IQSEC1: variants seen among roughly 807,000 people sequenced by gnomAD.
IQSEC1 encodes IQ motif and Sec7 domain ArfGEF 1.
In IQSEC1, 31 loss-of-function variants were observed where a neutral mutation model predicts 91.0. The observed-to-expected ratio is 0.34, with a 90% confidence interval of 0.26 to 0.46. The LOEUF (loss-of-function observed/expected upper bound fraction) is 0.46. IQSEC1 is among the 20% of genes least tolerant of loss of function. The probability of loss-of-function intolerance (pLI) is 1.00; values close to 1 mark genes in which losing one functional copy is unlikely to be tolerated. For synonymous variants in IQSEC1, 699 were observed against 662.6 expected, an observed-to-expected ratio of 1.05 and a Z score of -0.84; for missense variants, 1,388 against 1,575.6, an observed-to-expected ratio of 0.88 and a Z score of 2.02.
intron 1 of IQSEC1, among the ~76,000 whole-genome samples, chr3:13,072,779 C>T (rs999289060): frequency 3.2e-4 from 49 of 152,238 alleles, no homozygotes; most frequent in Non-Finnish European, 7.1e-4. Context: ...TGAAGACCTG[C>T]TGACTAATAG....
At chr3:13,133,695 G>A (rs1005195422) in intron 2 of IQSEC1, among the ~76,000 whole-genome samples, 6 of 152,222 alleles carry the variant, frequency 3.9e-5, no homozygotes, top group Admixed American at 3.3e-4. Flanking sequence ...TGGGATGCTC[G>A]GGTTTCTAAA....
chr3:13,041,233 T>G, intron 1 of IQSEC1, among the ~76,000 whole-genome samples: 1 of 147,678 alleles, frequency 6.8e-6, no homozygotes, highest in Non-Finnish European at 1.5e-5. Flanking sequence ...GGGGGTGGGG[T>G]GAAAGGCTGC....
intron 2 of IQSEC1, among the ~76,000 whole-genome samples, chr3:13,130,831 TGTAGTC>T (rs1706599233): frequency 6.6e-6 from 1 of 151,814 alleles, no homozygotes; most frequent in South Asian, 2.1e-4. Context: ...GGCACATGCC[TGTAGTC>T]CCAGCTATGC....
intron 1 of IQSEC1, among the ~76,000 whole-genome samples, chr3:13,184,844 AAC>A (rs1693903974): frequency 6.6e-6 from 1 of 152,188 alleles, no homozygotes; most frequent in Admixed American, 6.5e-5. Flanking sequence ...GGGAGCGATA[AAC>A]ACAGACGCTA....
intron 1 of IQSEC1, among the ~76,000 whole-genome samples, chr3:13,228,286 T>C (rs1694790979): frequency 6.6e-6 from 1 of 151,836 alleles, no homozygotes; most frequent in Non-Finnish European, 1.5e-5. Context: ...TCAAGATCAC[T>C]AAAGATCCCC....
intron 1 of IQSEC1, among the ~76,000 whole-genome samples, chr3:13,240,223 T>A (rs1159591436): frequency 6.6e-6 from 1 of 151,510 alleles, no homozygotes; most frequent in Non-Finnish European, 1.5e-5. Context: ...TACAAAAAAT[T>A]TAAAAAATTA....
intron 1 of IQSEC1, among the ~76,000 whole-genome samples, chr3:13,164,839 G>C (rs1262395184): frequency 6.6e-6 from 1 of 152,234 alleles, no homozygotes; most frequent in East Asian, 1.9e-4. Flanking sequence ...AAGGAGCAAA[G>C]GGCTTTGAGC....
chr3:13,091,211 T>C (rs1203640674), intron 2 of IQSEC1, among the ~76,000 whole-genome samples: 1 of 152,174 alleles, frequency 6.6e-6, no homozygotes, highest in East Asian at 1.9e-4. Flanking sequence ...GTGCATGCCT[T>C]GACCCCGTCA....
intron 3 of IQSEC1, among the ~76,000 whole-genome samples, chr3:12,933,161 G>A (rs1477118125): frequency 6.6e-6 from 1 of 152,226 alleles, no homozygotes; most frequent in Non-Finnish European, 1.5e-5. Flanking sequence ...TGGTACACAG[G>A]CGCAGGGCCA....
At chr3:13,062,650 C>A (rs566383108) in intron 1 of IQSEC1, among the ~76,000 whole-genome samples, 1 of 152,238 alleles carries the variant, frequency 6.6e-6, no homozygotes, top group African/African-American at 2.4e-5. Flanking sequence ...GGGACAGACA[C>A]CCGAACAAGG....
chr3:13,258,894 C>T (rs931295432), intron 1 of IQSEC1, among the ~76,000 whole-genome samples: 5 of 152,130 alleles, frequency 3.3e-5, no homozygotes, highest in African/African-American at 1.2e-4. Flanking sequence ...ACAGCATCAC[C>T]CACTCCATCT....
At chr3:13,098,396 G>T (rs1361022975) in intron 2 of IQSEC1, among the ~76,000 whole-genome samples, 2 of 152,212 alleles carry the variant, frequency 1.3e-5, no homozygotes, top group African/African-American at 2.4e-5. Context: ...GGGTTTTGAA[G>T]GATGCAGAGG....
intron 1 of IQSEC1, among the ~76,000 whole-genome samples, chr3:12,943,069 T>TATA (rs1334960074): frequency 6.6e-6 from 1 of 152,240 alleles, no homozygotes; most frequent in Non-Finnish European, 1.5e-5. Flanking sequence ...TCTCTAAATC[T>TATA]TAAAAGCAGT....
chr3:13,226,577 C>T (rs1159561304), intron 1 of IQSEC1, among the ~76,000 whole-genome samples: 54 of 130,510 alleles, frequency 4.1e-4, no homozygotes, highest in African/African-American at 1.7e-3. Flanking sequence ...CATAGTGAGA[C>T]CCCATCTCTA....
intron 2 of IQSEC1, among the ~76,000 whole-genome samples, chr3:13,162,214 G>A (rs1218045090): frequency 6.6e-6 from 1 of 152,250 alleles, no homozygotes; most frequent in Non-Finnish European, 1.5e-5. Flanking sequence ...AACTTTCACA[G>A]AATGAGGGTT....
intron 1 of IQSEC1, among the ~76,000 whole-genome samples, chr3:13,009,220 C>T (rs781283818): frequency 6.6e-6 from 1 of 152,180 alleles, no homozygotes; most frequent in Non-Finnish European, 1.5e-5. Context: ...CCTGGTGACT[C>T]GCCCTAGGTC....
intron 2 of IQSEC1, among the ~76,000 whole-genome samples, chr3:13,136,261 G>A (rs11714618): frequency 0.27 from 40,778 of 152,080 alleles, 5,665 homozygotes; most frequent in South Asian, 0.45. Context: ...GGAAATGAAG[G>A]TCACCCGACT....
chr3:12,950,310 C>T (rs1699456847), intron 1 of IQSEC1, among the ~76,000 whole-genome samples: 1 of 152,168 alleles, frequency 6.6e-6, no homozygotes, highest in Non-Finnish European at 1.5e-5. Context: ...AGCCTGGCCC[C>T]AAGGAGCAGA....
chr3:13,171,858 C>T (rs1284609440), intron 1 of IQSEC1, among the ~76,000 whole-genome samples: 3 of 152,258 alleles, frequency 2.0e-5, no homozygotes, highest in African/African-American at 7.2e-5. Context: ...AGAGGCTCCC[C>T]GACTGGTTAG....
Sources: gnomAD v4.1 joint callset for allele counts (sites outside exome capture counted in the v4.1 genomes callset) on GRCh38, gnomAD v4.1.1 for gene constraint, MANE v1.5 for transcripts, NCBI Gene and HGNC (gene_info 2026-07-23, HGNC 2026-07-21) for gene names.